The following CDH13 variants were observed in gnomAD, a reference collection of about 807,000 sequenced individuals.
CDH13 encodes the protein cadherin-13.
CDH13 carries 24 observed loss-of-function variants against 63.8 expected under a neutral mutation model. The observed-to-expected ratio is 0.38, with a 90% CI of 0.27 to 0.53. CDH13 has a LOEUF of 0.53. CDH13 is among the 20% of genes least tolerant of loss of function. The probability of loss-of-function intolerance (pLI) is 0.85; values close to 1 mark genes in which losing one functional copy is unlikely to be tolerated. For synonymous variants in CDH13, 503 were observed against 355.3 expected, an observed-to-expected ratio of 1.42 and a Z score of -4.67; for missense variants, 1,049 against 903.1, an observed-to-expected ratio of 1.16 and a Z score of -2.07.
intron 4 of CDH13, among the ~76,000 whole-genome samples, chr16:83,150,589 C>A (rs1455811756): frequency 1.3e-5 from 2 of 152,230 alleles, no homozygotes; most frequent in African/African-American, 4.8e-5. Flanking sequence ...GAAATTACTT[C>A]CTCCAGGAAG....
intron 4 of CDH13, among the ~76,000 whole-genome samples, chr16:83,148,334 G>A (rs564849981): frequency 6.8e-6 from 1 of 147,632 alleles, no homozygotes; most frequent in South Asian, 2.1e-4. Context: ...AGACAACATG[G>A]GTACCATGTA....
chr16:82,771,557 G>A (rs984844240), intron 1 of CDH13, among the ~76,000 whole-genome samples: 10 of 152,216 alleles, frequency 6.6e-5, no homozygotes, highest in African/African-American at 2.4e-4. Context: ...GTGAGGCAAA[G>A]GACATGGAGA....
At chr16:83,112,903 T>C (rs113225013) in intron 3 of CDH13, among the ~76,000 whole-genome samples, 3,706 of 152,290 alleles carry the variant, frequency 0.024, 143 homozygotes, top group African/African-American at 0.084. Context: ...GAGGAGGAAC[T>C]TTAAGACCGG....
At chr16:82,676,246 C>T (rs542533084) in intron 1 of CDH13, among the ~76,000 whole-genome samples, 1 of 152,298 alleles carries the variant, frequency 6.6e-6, no homozygotes, top group East Asian at 1.9e-4. Context: ...ATTCTTCTTA[C>T]ATGTCTCAAA....
chr16:82,878,011 A>C (rs934676282), intron 2 of CDH13, among the ~76,000 whole-genome samples: 8 of 151,828 alleles, frequency 5.3e-5, no homozygotes, highest in Non-Finnish European at 1.2e-4. Flanking sequence ...CATTCTGCTA[A>C]ACTAATCGAA....
intron 2 of CDH13, among the ~76,000 whole-genome samples, chr16:82,951,877 C>T (rs1195481960): frequency 6.6e-6 from 1 of 152,132 alleles, no homozygotes; most frequent in Non-Finnish European, 1.5e-5. Context: ...TCCCAGGAGC[C>T]ACAGAAGTGC....
At chr16:82,638,612 G>A (rs1908979989) in intron 1 of CDH13, among the ~76,000 whole-genome samples, 1 of 152,000 alleles carries the variant, frequency 6.6e-6, no homozygotes, top group Non-Finnish European at 1.5e-5. Context: ...ACTTAAGGGG[G>A]GAAATGACTG....
chr16:82,813,844 A>G (rs1208709548), intron 1 of CDH13, among the ~76,000 whole-genome samples: 2 of 152,168 alleles, frequency 1.3e-5, no homozygotes, highest in African/African-American at 4.8e-5. Context: ...CTTGGTTTCA[A>G]GTATTAGCTA....
chr16:82,709,501 T>A (rs983040767), intron 1 of CDH13, among the ~76,000 whole-genome samples: 1 of 152,186 alleles, frequency 6.6e-6, no homozygotes, highest in African/African-American at 2.4e-5. Flanking sequence ...GGGATGTAAC[T>A]CTAGGCTGGT....
At chr16:83,040,707 C>T (rs145358246) in intron 3 of CDH13, among the ~76,000 whole-genome samples, 131 of 152,308 alleles carry the variant, frequency 8.6e-4, no homozygotes, top group African/African-American at 3.1e-3. Context: ...CTCACAGAAA[C>T]ACCGGGGAAC....
At chr16:83,099,705 C>A (rs2034382854) in intron 3 of CDH13, among the ~76,000 whole-genome samples, 1 of 151,506 alleles carries the variant, frequency 6.6e-6, no homozygotes, top group African/African-American at 2.4e-5. Context: ...TTGAACCATT[C>A]TTTGCCAATT....
intron 7 of CDH13, among the ~76,000 whole-genome samples, chr16:83,552,416 C>A (rs1040940486): frequency 1.3e-5 from 2 of 152,148 alleles, no homozygotes; most frequent in African/African-American, 2.4e-5. Flanking sequence ...GAGGATGCAC[C>A]AATTGCTCGT....
intron 6 of CDH13, among the ~76,000 whole-genome samples, chr16:83,436,031 A>T (rs2072291123): frequency 6.6e-6 from 1 of 152,170 alleles, no homozygotes; most frequent in Non-Finnish European, 1.5e-5. Flanking sequence ...TGACTCAGGG[A>T]TGCTAGTGGC....
At chr16:83,651,232 T>C (rs1264589229) in intron 8 of CDH13, among the ~76,000 whole-genome samples, 1 of 152,222 alleles carries the variant, frequency 6.6e-6, no homozygotes, top group Non-Finnish European at 1.5e-5. Context: ...TAGGGTACTG[T>C]AACAAAAAGT....
In CDH13 at chr16:83,361,706, G is replaced by T. The variant is rs115013069; in HGVS notation, c.781+16700G>T. On this transcript the variant is annotated intron_variant, in intron 6 of 13. Transcript: ENST00000567109. ...AGAGTCCTTTTCCCATTGCTTATTTGTATCGGCTTTGTGGAAGAGCAGATG... is the reference window on the plus strand; with the variant it reads ...AGAGTCCTTTTCCCATTGCTTATTTTTATCGGCTTTGTGGAAGAGCAGATG... Among the ~76,000 whole-genome samples the T allele has an allele frequency of 8.0e-3, 1,217 of 152,058 alleles. 12 individuals are homozygous for T. Among genetic ancestry groups the T allele is most frequent in the African/African-American group, 0.027 (1,137 of 41,478 alleles).
intron 5 of CDH13, among the ~76,000 whole-genome samples, chr16:83,290,204 C>G (rs2089432631): frequency 1.3e-5 from 2 of 152,188 alleles, no homozygotes; most frequent in Non-Finnish European, 2.9e-5. Context: ...TAACCACATT[C>G]AATTCTATTT....
rs140931728 is a variant in CDH13 at position 82,865,060 on chromosome 16, A to C, written c.157+6587A>C. On this transcript the variant is annotated intron_variant, in intron 2 of 13. Coordinates refer to ENST00000567109, the MANE Select transcript of CDH13 (RefSeq NM_001257.5). ...GATCTTCTTTGACTCTGTGTCTCAC[A>C]TACAGGTCACCCTGATGCAAGAGGT... Among the ~76,000 whole-genome samples, 53 of 152,336 alleles carry C rather than the reference A, an allele frequency of 3.5e-4. No homozygotes were observed. The East Asian group carries it at 8.5e-3, about 25-fold the overall frequency.
intron 2 of CDH13, among the ~76,000 whole-genome samples, chr16:82,956,359 A>T (rs7192648): frequency 7.1e-6 from 1 of 141,704 alleles, no homozygotes; most frequent in African/African-American, 2.7e-5. Flanking sequence ...AGTCTTTAAT[A>T]TCTAATTTCT....
intron 10 of CDH13, among the ~76,000 whole-genome samples, chr16:83,702,586 C>T (rs1025000396): frequency 6.6e-6 from 1 of 152,170 alleles, no homozygotes; most frequent in Non-Finnish European, 1.5e-5. Context: ...GAAGTTCAGC[C>T]CGCCTGTATG....
Sources: gnomAD v4.1 joint callset for allele counts (sites outside exome capture counted in the v4.1 genomes callset) on GRCh38, gnomAD v4.1.1 for gene constraint, MANE v1.5 for transcripts, NCBI Gene and HGNC (gene_info 2026-07-23, HGNC 2026-07-21) for gene names.